IL12RB2: variants seen among roughly 807,000 people sequenced by gnomAD.
IL12RB2 encodes interleukin 12 receptor subunit beta 2.
In IL12RB2, 82 loss-of-function variants were observed where a neutral mutation model predicts 89.4. That is an observed-to-expected ratio of 0.92 (90% CI 0.77 to 1.10). IL12RB2 has a LOEUF of 1.10. Ranked by LOEUF, IL12RB2 falls within the 50% of genes least tolerant of loss-of-function variation. The probability of loss-of-function intolerance (pLI) is 0.00; values close to 1 mark genes in which losing one functional copy is unlikely to be tolerated. For missense variants in IL12RB2, 963 were observed against 1,031.9 expected (o/e 0.93, Z 0.92); for synonymous variants, 368 against 370.1 (o/e 0.99, Z 0.07).
chr1:67,389,654 A>G (rs902973053), intron 15 of IL12RB2, among the ~76,000 whole-genome samples: 5 of 152,184 alleles, frequency 3.3e-5, no homozygotes, highest in Non-Finnish European at 7.3e-5. Context: ...ACTCTTTGTA[A>G]ATATTCTAAT....
Position 67,396,030 on chromosome 1 carries a change from T to G in IL12RB2, c.2530T>G (p.Cys844Gly). The G allele has an allele frequency of 6.2e-7, 1 of 1,602,680 alleles. No individual in the cohort carries two copies. The highest frequency in any genetic ancestry group is 1.1e-5 in the South Asian group (1 of 90,862). Residue 844 changes from cysteine to glycine, a missense_variant, in exon 17 of 17, where the codon TGT becomes GGT. Transcript: ENST00000674203. Reference sequence around the variant, plus strand: ...TTCTCTTCACCCACTCACCTTCTCCTGTGGTGATAAGCTGACTCTGGATCA... The same window carrying G: ...TTCTCTTCACCCACTCACCTTCTCCGGTGGTGATAAGCTGACTCTGGATCA... ...SSSLHPLTFS[C>G]GDKLTLDQLK...
At chr1:67,320,872 A>G (rs1472577955) in intron 3 of IL12RB2, among the ~76,000 whole-genome samples, 1 of 151,690 alleles carries the variant, frequency 6.6e-6, no homozygotes, top group Non-Finnish European at 1.5e-5. Flanking sequence ...TATTTCTCCT[A>G]ATGCTATCCC....
At chr1:67,342,325 G>A (rs925306709) in intron 9 of IL12RB2, among the ~76,000 whole-genome samples, 6 of 152,120 alleles carry the variant, frequency 3.9e-5, no homozygotes, top group Non-Finnish European at 8.8e-5. Flanking sequence ...ATCAAAGGAA[G>A]CACCAAGTAA....
intron 14 of IL12RB2, among the ~76,000 whole-genome samples, chr1:67,384,056 C>T (rs2101097935): frequency 6.6e-6 from 1 of 152,338 alleles, no homozygotes; most frequent in South Asian, 2.1e-4. Context: ...GTCTGGAGGA[C>T]AGTGGCCCTC....
chr1:67,379,793 T>G (rs1445911767), intron 13 of IL12RB2, 193 bp from the exon 14 acceptor site: 4 of 560,874 alleles, frequency 7.1e-6, no homozygotes, highest in Non-Finnish European at 9.5e-6. Context: ...TGCTGTGGAG[T>G]GAGATGTCCA....
intron 10 of IL12RB2, among the ~76,000 whole-genome samples, chr1:67,366,497 A>T (rs969936675): frequency 2.6e-5 from 4 of 151,842 alleles, no homozygotes; most frequent in Non-Finnish European, 5.9e-5. Context: ...GAAAAATGAA[A>T]ATAAAACCAC....
At chr1:67,381,757 CTA>C (rs758765801) in intron 14 of IL12RB2, among the ~76,000 whole-genome samples, 107 of 123,246 alleles carry the variant, frequency 8.7e-4, no homozygotes, top group Non-Finnish European at 1.6e-3. Flanking sequence ...CAGAGTGAGA[CTA>C]TGTTTCAAAA....
chr1:67,375,571 A>G (rs1663871051), intron 13 of IL12RB2, among the ~76,000 whole-genome samples: 1 of 152,180 alleles, frequency 6.6e-6, no homozygotes, highest in South Asian at 2.1e-4. Context: ...CAAAGCAGGA[A>G]GGTGTTCTGC....
intron 5 of IL12RB2, 82 bp downstream of exon 5, chr1:67,326,931 A>C: frequency 1.0e-6 from 1 of 965,316 alleles, no homozygotes; most frequent in Non-Finnish European, 1.3e-6. Context: ...TTCTTTATTT[A>C]TTTTTATTTT....
intron 6 of IL12RB2, among the ~76,000 whole-genome samples, chr1:67,329,194 A>G (rs1223678392): frequency 2.6e-5 from 4 of 151,872 alleles, no homozygotes; most frequent in Non-Finnish European, 4.4e-5. Context: ...TTTGCTATGA[A>G]TTTTCCTACG....
chr1:67,359,329 T>A lies in IL12RB2; in HGVS notation c.1258+8240T>A, dbSNP rs865922577. On this transcript the variant is annotated intron_variant, in intron 10 of 16. Transcript: ENST00000674203. ...GACGAATTTAACTTTGGTATTAAAA[T>A]CAGATAAAGATAGCACAAGAAAAGT... 2.6e-5 allele frequency among the ~76,000 whole-genome samples: 4 copies of A among 152,246 alleles called. No individual in the cohort carries two copies. The Middle Eastern group carries it at 0.01, about 388-fold the overall frequency.
intron 1 of IL12RB2, among the ~76,000 whole-genome samples, chr1:67,310,936 G>T (rs891168543): frequency 3.3e-5 from 5 of 152,102 alleles, no homozygotes; most frequent in African/African-American, 1.2e-4. Context: ...TGTTGGTTAG[G>T]ATGGTCTCGA....
At chr1:67,356,320 T>C (rs1401835052) in intron 10 of IL12RB2, among the ~76,000 whole-genome samples, 1 of 152,170 alleles carries the variant, frequency 6.6e-6, no homozygotes, top group East Asian at 1.9e-4. Flanking sequence ...TTTTTTCCTC[T>C]TGTTATCCTG....
chr1:67,390,455 C>CTTTTTTT (rs67532605), intron 16 of IL12RB2, among the ~76,000 whole-genome samples: 2 of 107,524 alleles, frequency 1.9e-5, no homozygotes, highest in East Asian at 2.8e-4. Context: ...GCAAACTTTC[C>CTTTTTTT]TTTTTTTTTT....
chr1:67,387,166 G>C (rs1405252204), intron 15 of IL12RB2, among the ~76,000 whole-genome samples: 1 of 151,262 alleles, frequency 6.6e-6, no homozygotes, highest in African/African-American at 2.4e-5. Flanking sequence ...CTGACCTCAA[G>C]TGATCCACCT....
At chr1:67,322,370 A>T (rs1187409144) in intron 4 of IL12RB2, among the ~76,000 whole-genome samples, 1 of 152,036 alleles carries the variant, frequency 6.6e-6, no homozygotes, top group South Asian at 2.1e-4. Flanking sequence ...TACTTAACAG[A>T]AGGTAAAAGA....
In IL12RB2 at chr1:67,368,034, T is replaced by C. The variant is rs764448253; in HGVS notation, c.1459+9T>C. 1.3e-6 allele frequency: 2 copies of C among 1,537,750 alleles called. No individual in the cohort carries two copies. The highest frequency in any genetic ancestry group is 1.4e-5 in the African/African-American group (1 of 73,368). On this transcript the variant is annotated intron_variant, in intron 11 of 16. Coordinates refer to ENST00000674203, the MANE Select transcript of IL12RB2 (RefSeq NM_001374259.2). The stretch of plus-strand genomic sequence containing the variant: ...GTCTGCTCTGATTTCAGGTACCTAA[T>C]TGTTCACCTTCCTTCTAGAGGGTTA...
chr1:67,395,987 TTC>T lies in IL12RB2; in HGVS notation c.2489_2490del (p.Ser830CysfsTer16). 1 of 1,604,930 alleles carries T rather than the reference TTC, an allele frequency of 6.2e-7. No individual in the cohort carries two copies. Among genetic ancestry groups the T allele is most frequent in the Non-Finnish European group, 8.5e-7 (1 of 1,171,576 alleles). ...EELEPQHISL[S>X]VFPSSSLHPL... Reference sequence around the variant, plus strand: ...AACTGGAGCCTCAGCACATCTCCCTTTCTGTTTTCCCCTCAAGTTCTCTTCAC... The same window carrying T: ...AACTGGAGCCTCAGCACATCTCCCTTTGTTTTCCCCTCAAGTTCTCTTCAC... On this transcript the variant is annotated frameshift_variant, in exon 17 of 17. Coordinates refer to ENST00000674203, the MANE Select transcript of IL12RB2 (RefSeq NM_001374259.2). LOFTEE classifies it high-confidence loss of function.
At position 67,328,310 on chromosome 1, in the gene IL12RB2, C is replaced by A; in HGVS notation, c.590C>A (p.Thr197Lys). 6.2e-7 allele frequency: 1 copy of A among 1,614,180 alleles called. No homozygotes were observed. Among genetic ancestry groups the A allele is most frequent in the Non-Finnish European group, 8.5e-7 (1 of 1,180,026 alleles). Residue 197 changes from threonine (T) to lysine (K), a missense_variant, in exon 6 of 17, where the codon ACA becomes AAA. Coordinates refer to ENST00000674203, the MANE Select transcript of IL12RB2 (RefSeq NM_001374259.2). ...CCTGAATCACCTGAATCCAATTTCA[C>A]AGCCAAGGTTACTGCTGTCAATAGT... ...LTPESPESNFTAKVTAVNSLG... is the reference protein window; with the variant it reads ...LTPESPESNFKAKVTAVNSLG...
Sources: allele counts gnomAD v4.1 joint callset (sites outside exome capture counted in the v4.1 genomes callset), GRCh38; gene constraint gnomAD v4.1.1; transcripts MANE v1.5; gene names NCBI Gene and HGNC (gene_info 2026-07-23, HGNC 2026-07-21).